Variants in FN1 observed in about 807,000 individuals in gnomAD.
FN1 encodes the protein fibronectin.
In FN1, 106 loss-of-function variants were observed where a neutral mutation model predicts 297.3. The observed-to-expected ratio is 0.36, with a 90% CI of 0.30 to 0.42. The LOEUF is 0.42. FN1 is among the 10% of genes least tolerant of loss of function. The pLI is 1.00. For missense variants in FN1, 2,690 were observed against 3,124.9 expected, an observed-to-expected ratio of 0.86 and a Z score of 3.32; for synonymous variants, 1,149 against 1,152.6, an observed-to-expected ratio of 1.00 and a Z score of 0.06.
Position 215,373,356 on chromosome 2 carries a change from C to T in FN1, c.6213G>A (p.Gln2071=). The change falls in exon 39 of 46, where the codon CAG becomes CAA. Residue 2071 remains glutamine (Q), a synonymous_variant. Transcript: ENST00000354785. ...TCCTTCCAATCAGGGGCTCGCTCTTCTGATTATTCTTCAGGGCAATGACAT... is the reference window on the plus strand; with the variant it reads ...TCCTTCCAATCAGGGGCTCGCTCTTTTGATTATTCTTCAGGGCAATGACAT... ...TIYVIALKNN[Q]KSEPLIGRKK... is the part of the protein sequence containing the mutation. 4.3e-6 allele frequency: 7 copies of T among 1,613,634 alleles called. No individual in the cohort carries two copies. The highest frequency in any genetic ancestry group is 5.9e-6 in the Non-Finnish European group (7 of 1,179,674).
At chr2:215,388,144 C>A in intron 27 of FN1, 68 bp downstream of exon 27, 1 of 1,079,980 alleles carries the variant, frequency 9.3e-7, no homozygotes, top group South Asian at 1.3e-5. Context: ...TTAGAAGTAG[C>A]ATTTCATTTG....
chr2:215,374,867 A>T (rs1457385636), intron 38 of FN1, among the ~76,000 whole-genome samples: 1 of 152,200 alleles, frequency 6.6e-6, no homozygotes, highest in East Asian at 1.9e-4. Context: ...AGATTGCCAT[A>T]TCTATAGAGA....
chr2:215,381,482 G>GTT, intron 32 of FN1: 2 of 303,188 alleles, frequency 6.6e-6, no homozygotes, highest in African/African-American at 2.3e-5. Context: ...GTTTTGTTTT[G>GTT]TTTTTTTTTG....
intron 24 of FN1, 98 bp downstream of exon 24, chr2:215,394,430 A>C (rs2060065227): frequency 9.2e-7 from 1 of 1,081,740 alleles, no homozygotes; most frequent in Non-Finnish European, 1.4e-6. Flanking sequence ...TTAAATCCCA[A>C]ATATAGTTGA....
rs2060476558 is a variant in FN1, at chr2:215,397,722, C to T, written c.3475G>A (p.Gly1159Arg). 1.2e-6 allele frequency: 2 copies of T among 1,613,950 alleles called. No homozygotes were observed. Among genetic ancestry groups the T allele is most frequent in the Non-Finnish European group, 1.7e-6 (2 of 1,179,962 alleles). Residue 1159 changes from glycine to arginine, a missense_variant, in exon 22 of 46, where the codon GGA becomes AGA. By Grantham distance (125) the Gly-to-Arg change is moderately radical. Transcript: ENST00000354785. ...ACAATTGGCGCATCTCTTTCCTGTCCATCTCTCAGGACTTGGATGGTGTAG... is the reference window on the plus strand; with the variant it reads ...ACAATTGGCGCATCTCTTTCCTGTCTATCTCTCAGGACTTGGATGGTGTAG... ...YVYTIQVLRDGQERDAPIVNK... is the reference protein window; with the variant it reads ...YVYTIQVLRDRQERDAPIVNK...
chr2:215,365,039 C>A (rs2054254851), intron 43 of FN1, 54 bp from the exon 44 acceptor site: 4 of 1,153,082 alleles, frequency 3.5e-6, no homozygotes, highest in Admixed American at 4.0e-5. Flanking sequence ...ATACTGCAGA[C>A]TTGATCTAGG....
Position 215,422,212 on chromosome 2 carries a change from C to G in FN1, c.1425G>C (p.Gly475=), listed in dbSNP as rs59884263. The change falls in exon 10 of 46, where the codon GGG becomes GGC. Residue 475 remains glycine (G), a synonymous_variant. Transcript: ENST00000354785. ...AHEEICTTNE[G]VMYRIGDQWD... The stretch of plus-strand genomic sequence containing the variant: ...ACTGATCTCCAATGCGGTACATGAC[C>G]CCTTCATTGGTTGTGCAGATTTCCT... The G allele has an allele frequency of 1.7e-3, 2,791 of 1,613,962 alleles. 50 individuals are homozygous for G. In the African/African-American group the frequency reaches 0.031, roughly 18 times the overall value.
chr2:215,435,994 T>C lies in FN1; in HGVS notation c.-192A>G. 2 of 1,259,210 alleles carry C rather than the reference T, an allele frequency of 1.6e-6. No homozygotes were observed. The highest frequency in any genetic ancestry group is 2.1e-6 in the Non-Finnish European group (2 of 942,704). The allele number at this position is 1,259,210 out of a possible 1,614,324, so 78.0% of individuals were successfully genotyped here. On this transcript the variant is annotated 5_prime_UTR_variant, in exon 1 of 46. Coordinates refer to ENST00000354785, the MANE Select transcript of FN1 (RefSeq NM_212482.4). ...GGGATGCAGAGGACCAGAGAAGTTG[T>C]GGCTGCAGGTCCCCTCTTCCCGCTC...
At chr2:215,386,297 G>A (rs1175391651) in intron 28 of FN1, among the ~76,000 whole-genome samples, 1 of 151,404 alleles carries the variant, frequency 6.6e-6, no homozygotes, top group Admixed American at 6.6e-5. Flanking sequence ...GGCTGGTCTT[G>A]AACTTCTGAC....
chr2:215,425,537 G>C (rs1340941181), intron 6 of FN1, among the ~76,000 whole-genome samples: 1 of 152,036 alleles, frequency 6.6e-6, no homozygotes, highest in Non-Finnish European at 1.5e-5. Context: ...ATTTCTTTTT[G>C]TTTGTTTGTT....
In FN1 at chr2:215,428,357, A is replaced by G; in HGVS notation, c.686-19T>C. 6.2e-7 allele frequency: 1 copy of G among 1,612,842 alleles called. No individual in the cohort carries two copies. The highest frequency in any genetic ancestry group is 1.1e-5 in the South Asian group (1 of 91,072). On this transcript the variant is annotated intron_variant, in intron 5 of 45. Transcript: ENST00000354785. ...CATCTATCTGTGTCACAAAGGAAGCACATACATACATCAGGTCGAGAGTCG... is the reference window on the plus strand; with the variant it reads ...CATCTATCTGTGTCACAAAGGAAGCGCATACATACATCAGGTCGAGAGTCG...
At chr2:215,387,230 T>C (rs1238665906) in intron 27 of FN1, among the ~76,000 whole-genome samples, 1 of 152,208 alleles carries the variant, frequency 6.6e-6, no homozygotes, top group Non-Finnish European at 1.5e-5. Flanking sequence ...TTAGGGGTTA[T>C]TACAGTAAGT....
At chr2:215,381,715 G>A (rs1281811969) in intron 32 of FN1, 5 of 206,238 alleles carry the variant, frequency 2.4e-5, no homozygotes, top group Non-Finnish European at 4.9e-5. Flanking sequence ...CTCGTGATCC[G>A]CCTGCCTCAG....
chr2:215,427,781 C>A (rs529279425), intron 6 of FN1, among the ~76,000 whole-genome samples: 1 of 152,198 alleles, frequency 6.6e-6, no homozygotes, highest in African/African-American at 2.4e-5. Context: ...CCTTTCCTAG[C>A]AGAAGAACCA....
At chr2:215,420,605 T>A in intron 11 of FN1, 68 bp downstream of exon 11, 1 of 1,592,548 alleles carries the variant, frequency 6.3e-7, no homozygotes, top group Non-Finnish European at 8.6e-7. Context: ...TTCACATAGC[T>A]TTTCTTATCT....
rs2060396710 is a variant in FN1, at chr2:215,397,190, G to A, written c.3551C>T (p.Ala1184Val). 1.2e-6 allele frequency: 2 copies of A among 1,613,802 alleles called. No individual in the cohort carries two copies. Among genetic ancestry groups the A allele is most frequent in the Admixed American group, 3.3e-5 (2 of 59,988 alleles). The change falls in exon 23 of 46, where the codon GCA (alanine) becomes GTA (valine). Residue 1184 changes from alanine (A) to valine (V), a missense_variant. Ala to Val is a moderately conservative substitution (Grantham distance 64). Coordinates refer to ENST00000354785, the MANE Select transcript of FN1 (RefSeq NM_212482.4). ...TGTGAGCACTCCAGTGTCAGGGTTTGCCTCCAGATGCAAGTTTGTTGGTGG... is the reference window on the plus strand; with the variant it reads ...TGTGAGCACTCCAGTGTCAGGGTTTACCTCCAGATGCAAGTTTGTTGGTGG... The part of the protein sequence containing the change: ...LSPPTNLHLE[A>V]NPDTGVLTVS...
intron 12 of FN1, among the ~76,000 whole-genome samples, chr2:215,415,275 T>C (rs539814120): frequency 6.6e-6 from 1 of 152,312 alleles, no homozygotes; most frequent in South Asian, 2.1e-4. Flanking sequence ...TGTGAGAAAA[T>C]TGTGAAACGA....
At chr2:215,431,801 C>G (rs1301224564) in intron 4 of FN1, 32 bp downstream of exon 4, 1 of 1,613,044 alleles carries the variant, frequency 6.2e-7, no homozygotes, top group African/African-American at 1.3e-5. Context: ...ACTAAGCATC[C>G]CAGCTCTTGC....
chr2:215,435,611 C>G, intron 1 of FN1, 44 bp downstream of exon 1: 1 of 1,611,734 alleles, frequency 6.2e-7, no homozygotes, highest in Non-Finnish European at 8.5e-7. Context: ...GCTTTAGGGT[C>G]CCATCCCTGA....
Sources: gnomAD v4.1 joint callset for allele counts (sites outside exome capture counted in the v4.1 genomes callset) on GRCh38, gnomAD v4.1.1 for gene constraint, MANE v1.5 for transcripts, NCBI Gene and HGNC (gene_info 2026-07-23, HGNC 2026-07-21) for gene names.